Variants in BLTP3B observed in about 807,000 individuals in gnomAD.
BLTP3B encodes UHRF1 (ICBP90) binding protein 1-like.
the BLTP3B span, among the ~76,000 whole-genome samples, chr12:100,078,318 CCT>C: frequency 6.6e-6 from 1 of 152,140 alleles, no homozygotes; most frequent in African/African-American, 2.4e-5. Flanking sequence ...GTAAAAGTTC[CCT>C]GAGGCCTCCT....
the BLTP3B span, among the ~76,000 whole-genome samples, chr12:100,090,625 T>C: frequency 3.9e-5 from 6 of 152,194 alleles, no homozygotes; most frequent in African/African-American, 1.4e-4. Context: ...CTGCAAAGTA[T>C]ACTTAGTAAA....
At chr12:100,118,524 T>C in the BLTP3B span, among the ~76,000 whole-genome samples, 3 of 152,110 alleles carry the variant, frequency 2.0e-5, no homozygotes, top group South Asian at 4.1e-4. Context: ...AATGGGACCA[T>C]GGAATAGAAA....
the BLTP3B span, chr12:100,047,569 C>G: frequency 6.2e-7 from 1 of 1,613,404 alleles, no homozygotes; most frequent in African/African-American, 1.3e-5. Context: ...CTCTCTACCA[C>G]AAGATGATCA....
At chr12:100,092,330 C>A in the BLTP3B span, among the ~76,000 whole-genome samples, 1 of 152,106 alleles carries the variant, frequency 6.6e-6, no homozygotes, top group African/African-American at 2.4e-5. Context: ...ATAACTACTA[C>A]CCAAGAAAGC....
the BLTP3B span, chr12:100,050,038 CTAA>C: frequency 4.2e-6 from 4 of 946,834 alleles, no homozygotes; most frequent in East Asian, 2.9e-5. Context: ...CCACTAACTA[CTAA>C]TAATAAGTAA....
At chr12:100,074,717 T>C in the BLTP3B span, among the ~76,000 whole-genome samples, 1 of 151,642 alleles carries the variant, frequency 6.6e-6, no homozygotes, top group Non-Finnish European at 1.5e-5. Context: ...TAAAAATTCA[T>C]ATGAAACCCA....
the BLTP3B span, chr12:100,070,269 T>C: frequency 1.5e-6 from 2 of 1,339,842 alleles, no homozygotes; most frequent in Admixed American, 3.1e-5. Flanking sequence ...TGCCAGAAGG[T>C]TTTTTATTTT....
At chr12:100,057,355 T>C in the BLTP3B span, among the ~76,000 whole-genome samples, 3 of 152,142 alleles carry the variant, frequency 2.0e-5, no homozygotes, top group African/African-American at 7.2e-5. Flanking sequence ...TGGGGGGCTA[T>C]AATGAACAAT....
chr12:100,081,462 T>C, the BLTP3B span, among the ~76,000 whole-genome samples: 1 of 152,172 alleles, frequency 6.6e-6, no homozygotes, highest in African/African-American at 2.4e-5. Flanking sequence ...AGGTTTGTTA[T>C]ACTGGTAAAC....
the BLTP3B span, chr12:100,050,125 T>C: frequency 7.1e-7 from 1 of 1,414,858 alleles, no homozygotes; most frequent in Non-Finnish European, 9.3e-7. Context: ...TTAAAACATA[T>C]TAAACCATTG....
chr12:100,046,096 G>A, the BLTP3B span, among the ~76,000 whole-genome samples: 1 of 152,148 alleles, frequency 6.6e-6, no homozygotes, highest in Non-Finnish European at 1.5e-5. Flanking sequence ...GAGAGGATGT[G>A]GAGAAATAGG....
chr12:100,083,183 C>T, the BLTP3B span: 1 of 1,356,038 alleles, frequency 7.4e-7, no homozygotes, highest in Non-Finnish European at 1.1e-6. Context: ...TTATTTTTAA[C>T]AGTCACTCTT....
At chr12:100,091,183 A>ATTTT in the BLTP3B span, among the ~76,000 whole-genome samples, 1 of 81,218 alleles carries the variant, frequency 1.2e-5, no homozygotes, top group African/African-American at 5.5e-5. Flanking sequence ...CGCCTGGCTA[A>ATTTT]TTTTTTTTTT....
chr12:100,056,073 A>G, the BLTP3B span, among the ~76,000 whole-genome samples: 1 of 152,248 alleles, frequency 6.6e-6, no homozygotes, highest in Non-Finnish European at 1.5e-5. Flanking sequence ...TAAAAGAAGT[A>G]AACTATTTAA....
At chr12:100,107,979 C>T in the BLTP3B span, among the ~76,000 whole-genome samples, 706 of 152,220 alleles carry the variant, frequency 4.6e-3, 4 homozygotes, top group Non-Finnish European at 8.1e-3. Flanking sequence ...TGGGCTCAAG[C>T]AATCCGCCTA....
At chr12:100,069,714 G>A in the BLTP3B span, among the ~76,000 whole-genome samples, 1 of 152,208 alleles carries the variant, frequency 6.6e-6, no homozygotes, top group South Asian at 2.1e-4. Flanking sequence ...GGGGGAAAGG[G>A]TGGGAAGGGG....
At chr12:100,072,536 A>C in the BLTP3B span, 4 of 773,666 alleles carry the variant, frequency 5.2e-6, no homozygotes, top group Non-Finnish European at 7.4e-6. Flanking sequence ...GTGAGATGCT[A>C]GCTCTCAAAA....
chr12:100,104,884 CAAAAAAAAA>C, the BLTP3B span, among the ~76,000 whole-genome samples: 52 of 66,030 alleles, frequency 7.9e-4, no homozygotes, highest in East Asian at 2.1e-3. Context: ...ACTGCTACTA[CAAAAAAAAA>C]AAAAAAAAAA....
At chr12:100,142,869 A>C in the BLTP3B span, 2 of 487,556 alleles carry the variant, frequency 4.1e-6, no homozygotes, top group Non-Finnish European at 7.0e-6. Flanking sequence ...ATCACCTAAG[A>C]GACTCGGTGG....
Sources: allele counts gnomAD v4.1 joint callset (sites outside exome capture counted in the v4.1 genomes callset), GRCh38; gene constraint gnomAD v4.1.1; transcripts MANE v1.5; gene names NCBI Gene and HGNC (gene_info 2026-07-23, HGNC 2026-07-21).